The following GRM8 variants were observed in gnomAD, a reference collection of about 807,000 sequenced individuals.
GRM8 encodes glutamate metabotropic receptor 8, also known as metabotropic glutamate receptor 8.
GRM8 carries 47 observed loss-of-function variants against 87.2 expected under a neutral mutation model. The observed-to-expected ratio is 0.54, with a 90% CI of 0.43 to 0.69. The LOEUF (loss-of-function observed/expected upper bound fraction) is 0.69. GRM8 is among the 30% of genes least tolerant of loss of function. The pLI, the probability that GRM8 is intolerant of heterozygous loss-of-function variation, is 0.00. For missense variants in GRM8, 1,019 were observed against 1,139.2 expected, an observed-to-expected ratio of 0.89 and a Z score of 1.52; for synonymous variants, 396 against 404.5, an observed-to-expected ratio of 0.98 and a Z score of 0.25.
At chr7:126,616,113 A>G (rs1400723737) in intron 7 of GRM8, among the ~76,000 whole-genome samples, 2 of 152,190 alleles carry the variant, frequency 1.3e-5, no homozygotes, top group Non-Finnish European at 2.9e-5. Flanking sequence ...AAAATTGACC[A>G]CATACTTGGA....
intron 2 of GRM8, among the ~76,000 whole-genome samples, chr7:127,226,537 C>T (rs1223103476): frequency 1.3e-5 from 2 of 152,164 alleles, no homozygotes; most frequent in African/African-American, 4.8e-5. Context: ...ATCTTCCTTA[C>T]ACCAAAAAGT....
intron 2 of GRM8, among the ~76,000 whole-genome samples, chr7:127,173,101 G>C (rs564605153): frequency 2.0e-5 from 3 of 152,214 alleles, no homozygotes; most frequent in African/African-American, 4.8e-5. Context: ...CTAGGCACCA[G>C]GAATATTATT....
chr7:126,781,431 G>A (rs78996059), intron 6 of GRM8, among the ~76,000 whole-genome samples: 4,735 of 152,244 alleles, frequency 0.031, 256 homozygotes, highest in African/African-American at 0.1. Flanking sequence ...TCAAGAATGT[G>A]TCATCATTCA....
At chr7:126,594,180 G>T (rs143728267) in intron 8 of GRM8, among the ~76,000 whole-genome samples, 1 of 152,060 alleles carries the variant, frequency 6.6e-6, no homozygotes, top group East Asian at 1.9e-4. Flanking sequence ...ATAATATGAA[G>T]ATTCCTCAAA....
intron 2 of GRM8, among the ~76,000 whole-genome samples, chr7:127,135,883 T>G (rs1827922123): frequency 6.6e-6 from 1 of 152,168 alleles, no homozygotes. Flanking sequence ...AAATTGAGAA[T>G]TATTTTTCCT....
intron 1 of GRM8, among the ~76,000 whole-genome samples, chr7:127,248,661 T>C (rs897533328): frequency 6.6e-6 from 1 of 152,330 alleles, no homozygotes; most frequent in Non-Finnish European, 1.5e-5. Context: ...CAAAGTACTT[T>C]ATAAACTGCC....
chr7:127,169,523 T>A (rs758618925), intron 2 of GRM8, among the ~76,000 whole-genome samples: 19 of 151,970 alleles, frequency 1.3e-4, no homozygotes, highest in Non-Finnish European at 2.4e-4. Flanking sequence ...ATCCAGAAGA[T>A]CCAACTAAGA....
At chr7:126,864,392 T>A (rs555032687) in intron 6 of GRM8, among the ~76,000 whole-genome samples, 4 of 152,242 alleles carry the variant, frequency 2.6e-5, no homozygotes, top group African/African-American at 9.6e-5. Context: ...ACAGCTCTAT[T>A]TCCATATTTC....
chr7:126,489,346 C>T (rs1007915985), intron 9 of GRM8, among the ~76,000 whole-genome samples: 1 of 152,016 alleles, frequency 6.6e-6, no homozygotes, highest in Non-Finnish European at 1.5e-5. Flanking sequence ...ACATGCACAG[C>T]ATGACAATTA....
At chr7:126,839,525 A>G (rs1796089065) in intron 6 of GRM8, among the ~76,000 whole-genome samples, 1 of 152,214 alleles carries the variant, frequency 6.6e-6, no homozygotes, top group South Asian at 2.1e-4. Context: ...AACATTGAAT[A>G]CATTCACATT....
chr7:127,223,840 AGT>A (rs930938334), intron 2 of GRM8, among the ~76,000 whole-genome samples: 5 of 152,058 alleles, frequency 3.3e-5, no homozygotes, highest in Non-Finnish European at 5.9e-5. Flanking sequence ...AGTAATGAGA[AGT>A]ATCAGCAAAG....
At chr7:126,473,660 GA>G (rs949801810) in intron 9 of GRM8, among the ~76,000 whole-genome samples, 4 of 152,138 alleles carry the variant, frequency 2.6e-5, no homozygotes, top group African/African-American at 9.7e-5. Flanking sequence ...TGAGATTTGT[GA>G]GGGGCCAGCT....
At chr7:126,796,154 GAAGA>G (rs1354048163) in intron 6 of GRM8, among the ~76,000 whole-genome samples, 1 of 151,966 alleles carries the variant, frequency 6.6e-6, no homozygotes, top group Non-Finnish European at 1.5e-5. Flanking sequence ...CTTTGTAAAT[GAAGA>G]AAGAACACAA....
intron 6 of GRM8, among the ~76,000 whole-genome samples, chr7:126,879,638 T>G (rs1288120008): frequency 6.6e-6 from 1 of 152,344 alleles, no homozygotes; most frequent in East Asian, 1.9e-4. Context: ...ATTATCATAT[T>G]TGTTTACAAA....
chr7:127,094,673 G>T (rs1334886440), intron 3 of GRM8, among the ~76,000 whole-genome samples: 2 of 152,182 alleles, frequency 1.3e-5, no homozygotes, highest in Non-Finnish European at 2.9e-5. Flanking sequence ...AAACTGTGGA[G>T]GCCAATTCTG....
chr7:126,484,996 C>T (rs576907401), intron 9 of GRM8, among the ~76,000 whole-genome samples: 1 of 151,846 alleles, frequency 6.6e-6, no homozygotes, highest in South Asian at 2.1e-4. Flanking sequence ...TTAAGTCATA[C>T]TATGGACCTT....
intron 6 of GRM8, among the ~76,000 whole-genome samples, chr7:126,774,816 T>C (rs190954906): frequency 1.3e-5 from 2 of 152,304 alleles, no homozygotes; most frequent in Admixed American, 6.5e-5. Flanking sequence ...CAGACTTTGA[T>C]GCATTGTGGT....
chr7:127,036,139 G>A (rs939417556), intron 3 of GRM8, among the ~76,000 whole-genome samples: 1 of 152,058 alleles, frequency 6.6e-6, no homozygotes, highest in Non-Finnish European at 1.5e-5. Context: ...ACTATCAGTT[G>A]TCCAGTGTTC....
intron 8 of GRM8, among the ~76,000 whole-genome samples, chr7:126,545,079 C>A (rs1816989297): frequency 6.6e-6 from 1 of 152,184 alleles, no homozygotes; most frequent in Admixed American, 6.5e-5. Context: ...CCATCTTTCA[C>A]TCAAGTTCTA....
Sources: gnomAD v4.1 joint callset for allele counts (sites outside exome capture counted in the v4.1 genomes callset) on GRCh38, gnomAD v4.1.1 for gene constraint, MANE v1.5 for transcripts, NCBI Gene and HGNC (gene_info 2026-07-23, HGNC 2026-07-21) for gene names.